Variants in GSK3B observed in about 807,000 individuals in gnomAD.
GSK3B encodes glycogen synthase kinase 3 beta.
In GSK3B, 15 loss-of-function variants were observed where a neutral mutation model predicts 56.4. That is an observed-to-expected ratio of 0.27 (90% CI 0.18 to 0.41). The LOEUF (loss-of-function observed/expected upper bound fraction) is 0.41. Ranked by LOEUF, GSK3B falls within the 10% of genes least tolerant of loss-of-function variation. The pLI is 1.00. For synonymous variants in GSK3B, 181 were observed against 188.9 expected, an observed-to-expected ratio of 0.96 and a Z score of 0.34; for missense variants, 300 against 513.4, an observed-to-expected ratio of 0.58 and a Z score of 4.02.
chr3:119,835,469 A>C (rs2055676464), intron 10 of GSK3B, among the ~76,000 whole-genome samples: 1 of 152,184 alleles, frequency 6.6e-6, no homozygotes, highest in Non-Finnish European at 1.5e-5. Flanking sequence ...GCCTTAGGAT[A>C]TTGGTTGAAT....
chr3:119,888,475 TCTTTTTTTTA>T (rs1229593591), intron 7 of GSK3B, among the ~76,000 whole-genome samples: 3 of 29,064 alleles, frequency 1.0e-4, no homozygotes, highest in East Asian at 1.2e-3. Context: ...CTTATGCCTG[TCTTTTTTTTA>T]CTTTAATCTC....
At chr3:120,001,977 A>C in intron 2 of GSK3B, 69 bp downstream of exon 2, 2 of 1,034,618 alleles carry the variant, frequency 1.9e-6, no homozygotes, top group Non-Finnish European at 2.7e-6. Flanking sequence ...AGAAGCAACT[A>C]AAAAAATAAT....
At chr3:120,029,900 T>C (rs1473776093) in intron 1 of GSK3B, 13 of 546,864 alleles carry the variant, frequency 2.4e-5, no homozygotes, top group Non-Finnish European at 3.7e-6. Context: ...GTGTATCTGG[T>C]CCATGATGCC....
rs1389432320 is a variant in GSK3B at position 119,927,440 on chromosome 3, G to A, written c.367-3957C>T. 2.0e-5 allele frequency among the ~76,000 whole-genome samples: 3 copies of A among 152,078 alleles called. No individual in the cohort carries two copies. The East Asian group carries it at 5.8e-4, about 29-fold the overall frequency. On this transcript the variant is annotated intron_variant, in intron 3 of 10. Coordinates refer to ENST00000264235, the MANE Select transcript of GSK3B (RefSeq NM_001146156.2). ...CTTTTTTTAAAGCAGCGGGAAGGCA[G>A]GGTAGGTATACCGGCTAGTTGAACA...
chr3:120,048,683 T>C (rs1460477553), intron 1 of GSK3B, among the ~76,000 whole-genome samples: 1 of 151,974 alleles, frequency 6.6e-6, no homozygotes, highest in African/African-American at 2.4e-5. Flanking sequence ...CTACTAGGAG[T>C]CCTACCAGAA....
intron 7 of GSK3B, among the ~76,000 whole-genome samples, chr3:119,889,945 G>A (rs1168221283): frequency 1.3e-5 from 2 of 151,766 alleles, no homozygotes; most frequent in Non-Finnish European, 2.9e-5. Context: ...AATAAAGAGG[G>A]GCATTTCCTA....
chr3:120,047,497 C>T (rs778575449), intron 1 of GSK3B, among the ~76,000 whole-genome samples: 4 of 152,152 alleles, frequency 2.6e-5, no homozygotes, highest in Non-Finnish European at 5.9e-5. Flanking sequence ...AAGTCTCACA[C>T]TAAATATCAA....
rs532738986 is a variant in GSK3B at position 119,847,533 on chromosome 3, A to C, written c.1097-4180T>G. Reference sequence around the variant, plus strand: ...TACCAGTTTAACAGGGGAAAAAAAAACCCACATGACAAACCTATATCTCAA... The same window carrying C: ...TACCAGTTTAACAGGGGAAAAAAAACCCCACATGACAAACCTATATCTCAA... On this transcript the variant is annotated intron_variant, in intron 9 of 10. Coordinates refer to ENST00000264235, the MANE Select transcript of GSK3B (RefSeq NM_001146156.2). Among the ~76,000 whole-genome samples, 20 of 152,202 alleles carry C rather than the reference A, an allele frequency of 1.3e-4. 1 individual carries two copies. The South Asian group carries it at 2.5e-3, about 19-fold the overall frequency.
At chr3:119,930,627 G>A (rs752833238) in intron 3 of GSK3B, among the ~76,000 whole-genome samples, 1 of 152,184 alleles carries the variant, frequency 6.6e-6, no homozygotes, top group Non-Finnish European at 1.5e-5. Context: ...TAAAATCAAA[G>A]TGTCAATGTA....
intron 1 of GSK3B, among the ~76,000 whole-genome samples, chr3:120,050,217 A>G (rs2058137255): frequency 6.6e-6 from 1 of 152,234 alleles, no homozygotes. Context: ...TCACTGCTAC[A>G]AAAAGGTACA....
At chr3:120,006,912 T>A (rs1433186732) in intron 1 of GSK3B, among the ~76,000 whole-genome samples, 1 of 144,334 alleles carries the variant, frequency 6.9e-6, no homozygotes, top group Non-Finnish European at 1.5e-5. Context: ...ATAACTAAGA[T>A]CAGAGCAGAA....
intron 4 of GSK3B, 31 bp from the exon 5 acceptor site, chr3:119,916,205 C>T (rs780413424): frequency 3.9e-6 from 6 of 1,554,762 alleles, no homozygotes; most frequent in Non-Finnish European, 4.4e-6. Flanking sequence ...TAATTAAATA[C>T]TTCCTATTCT....
chr3:119,880,351 T>C (rs1380793000), intron 7 of GSK3B, among the ~76,000 whole-genome samples: 1 of 152,206 alleles, frequency 6.6e-6, no homozygotes, highest in Non-Finnish European at 1.5e-5. Flanking sequence ...TTGGAGCTTC[T>C]TATATATTCT....
At chr3:120,043,720 C>T (rs749361812) in intron 1 of GSK3B, among the ~76,000 whole-genome samples, 2 of 152,190 alleles carry the variant, frequency 1.3e-5, no homozygotes, top group Non-Finnish European at 2.9e-5. Flanking sequence ...CATTGTAACC[C>T]AGTAACTATT....
At chr3:119,931,907 T>C (rs1311573710) in intron 3 of GSK3B, among the ~76,000 whole-genome samples, 1 of 152,168 alleles carries the variant, frequency 6.6e-6, no homozygotes, top group Non-Finnish European at 1.5e-5. Context: ...TTATTAATTT[T>C]ATTAATAAAC....
At chr3:119,842,662 T>A (rs1156703446) in intron 10 of GSK3B, among the ~76,000 whole-genome samples, 1 of 152,164 alleles carries the variant, frequency 6.6e-6, no homozygotes, top group Non-Finnish European at 1.5e-5. Context: ...CTCACTATGT[T>A]GTCCAGGATG....
At chr3:120,059,465 A>G (rs548398993) in intron 1 of GSK3B, among the ~76,000 whole-genome samples, 1 of 152,344 alleles carries the variant, frequency 6.6e-6, no homozygotes, top group African/African-American at 2.4e-5. Flanking sequence ...CTTCACACAA[A>G]GCTGTGGTGC....
At chr3:120,006,854 C>A (rs1576265942) in intron 1 of GSK3B, among the ~76,000 whole-genome samples, 1 of 151,774 alleles carries the variant, frequency 6.6e-6, no homozygotes, top group South Asian at 2.1e-4. Flanking sequence ...ATTAAAAGAA[C>A]TAGACAAGCA....
chr3:119,883,303 G>A (rs2056399307), intron 7 of GSK3B, among the ~76,000 whole-genome samples: 1 of 151,968 alleles, frequency 6.6e-6, no homozygotes, highest in African/African-American at 2.4e-5. Flanking sequence ...ATTATGACAA[G>A]GTCCTCACAA....
Sources: allele counts gnomAD v4.1 joint callset (sites outside exome capture counted in the v4.1 genomes callset), GRCh38; gene constraint gnomAD v4.1.1; transcripts MANE v1.5; gene names NCBI Gene and HGNC (gene_info 2026-07-23, HGNC 2026-07-21).